Variants in RAPGEF6 observed in about 807,000 individuals in gnomAD.
The protein encoded by RAPGEF6 is Rap guanine nucleotide exchange factor 6, also known as PDZ domain containing guanine nucleotide exchange factor (GEF) 2.
In RAPGEF6, 56 loss-of-function variants were observed where a neutral mutation model predicts 171.4. The ratio of observed to expected loss-of-function variants is 0.33; its 90% CI spans 0.26 to 0.41. The LOEUF is 0.41. Ranked by LOEUF, RAPGEF6 falls within the 10% of genes least tolerant of loss-of-function variation. RAPGEF6 has a pLI of 1.00. For missense variants in RAPGEF6, 1,674 were observed against 1,921.4 expected (o/e 0.87, Z 2.41); for synonymous variants, 692 against 650.1 (o/e 1.06, Z -0.98).
At chr5:131,545,991 G>A (rs914401500) in intron 6 of RAPGEF6, among the ~76,000 whole-genome samples, 3 of 152,284 alleles carry the variant, frequency 2.0e-5, no homozygotes, top group Non-Finnish European at 4.4e-5. Context: ...CTGATCCCAG[G>A]AAATCAGTAT....
At position 131,497,879 on chromosome 5, in the gene RAPGEF6, C is replaced by T. The variant is rs149879197; in HGVS notation, c.1419+564G>A. On this transcript the variant is annotated intron_variant, in intron 12 of 27. Coordinates refer to ENST00000509018, the MANE Select transcript of RAPGEF6 (RefSeq NM_016340.6). ...TTCCATTAAATGTGCAAACATATCC[C>T]ATGAAATAAGCTAATTTATTTAAAA... 2.0e-5 allele frequency among the ~76,000 whole-genome samples: 3 copies of T among 152,182 alleles called. No homozygotes were observed. In the East Asian group the frequency reaches 5.8e-4, roughly 29 times the overall value.
intron 3 of RAPGEF6, 148 bp from the exon 4 acceptor site, chr5:131,592,614 C>T (rs1763659797): frequency 7.2e-7 from 1 of 1,387,816 alleles, no homozygotes; most frequent in Admixed American, 2.7e-5. Flanking sequence ...TTGCCTGTTG[C>T]CTAAGGTTTT....
At chr5:131,508,837 T>C (rs1757530003) in intron 8 of RAPGEF6, among the ~76,000 whole-genome samples, 1 of 152,198 alleles carries the variant, frequency 6.6e-6, no homozygotes, top group Non-Finnish European at 1.5e-5. Flanking sequence ...GACATAGGAA[T>C]TAGCTATATT....
At chr5:131,548,803 GA>G (rs1304358995) in intron 5 of RAPGEF6, among the ~76,000 whole-genome samples, 2 of 152,086 alleles carry the variant, frequency 1.3e-5, no homozygotes, top group Non-Finnish European at 2.9e-5. Flanking sequence ...TGTAGACAAA[GA>G]AAAACCCAAA....
chr5:131,622,747 G>A lies in RAPGEF6; in HGVS notation c.69+12215C>T, dbSNP rs534436234. Among the ~76,000 whole-genome samples the A allele has an allele frequency of 3.9e-5, 6 of 152,224 alleles. No homozygotes were observed. The East Asian group carries it at 9.7e-4, about 24-fold the overall frequency. ...CTATCCAACTGGATTTACAAATGAAGGTCAAGGGGCCCCAGAAGTATAAAT... is the reference window on the plus strand; with the variant it reads ...CTATCCAACTGGATTTACAAATGAAAGTCAAGGGGCCCCAGAAGTATAAAT... On this transcript the variant is annotated intron_variant, in intron 1 of 27. Coordinates refer to ENST00000509018, the MANE Select transcript of RAPGEF6 (RefSeq NM_016340.6).
chr5:131,634,955 G>A lies in RAPGEF6; in HGVS notation c.69+7C>T. 2 of 1,614,124 alleles carry A rather than the reference G, an allele frequency of 1.2e-6. No individual in the cohort carries two copies. Among genetic ancestry groups the A allele is most frequent in the Non-Finnish European group, 1.7e-6 (2 of 1,179,968 alleles). On this transcript the variant is annotated splice_region_variant and intron_variant, in intron 1 of 27. Coordinates refer to ENST00000509018, the MANE Select transcript of RAPGEF6 (RefSeq NM_016340.6). ...GTGAGACGCACATAAAGGTCAACCA[G>A]CCTCACCTCGGGAGTCCGCTCGGGT...
At chr5:131,457,246 T>C (rs1753576369) in intron 19 of RAPGEF6, among the ~76,000 whole-genome samples, 1 of 152,158 alleles carries the variant, frequency 6.6e-6, no homozygotes, top group South Asian at 2.1e-4. Flanking sequence ...AATTTTTATA[T>C]TTTTAGTACA....
At chr5:131,602,591 T>A (rs1764323557) in intron 3 of RAPGEF6, among the ~76,000 whole-genome samples, 1 of 152,092 alleles carries the variant, frequency 6.6e-6, no homozygotes, top group Non-Finnish European at 1.5e-5. Flanking sequence ...TAAAACCTCA[T>A]CTCTACTAAA....
chr5:131,536,091 C>A (rs542945997), intron 6 of RAPGEF6, among the ~76,000 whole-genome samples: 1 of 151,972 alleles, frequency 6.6e-6, no homozygotes, highest in East Asian at 1.9e-4. Flanking sequence ...AGTTAAAGAA[C>A]AAAAGAAAAA....
Position 131,446,481 on chromosome 5 carries a change from A to G in RAPGEF6, c.3421+2T>C. 6.2e-7 allele frequency: 1 copy of G among 1,612,184 alleles called. No individual in the cohort carries two copies. The highest frequency in any genetic ancestry group is 8.5e-7 in the Non-Finnish European group (1 of 1,178,814). On this transcript the variant is annotated splice_donor_variant, in intron 22 of 27. Coordinates refer to ENST00000509018, the MANE Select transcript of RAPGEF6 (RefSeq NM_016340.6). LOFTEE classifies it high-confidence loss of function. The stretch of plus-strand genomic sequence containing the variant: ...GTCACATAAATGAAAACTTGTACTC[A>G]CAGGTACCATATGCAGGCTCCCACT...
At chr5:131,529,473 C>CA (rs57223880) in intron 6 of RAPGEF6, among the ~76,000 whole-genome samples, 107,455 of 142,028 alleles carry the variant, frequency 0.76, 40,583 homozygotes, top group Middle Eastern at 0.8. Flanking sequence ...GAGACTCTGT[C>CA]AAAAAAAAAA....
At chr5:131,585,030 AATAAGC>A (rs1373748751) in intron 4 of RAPGEF6, among the ~76,000 whole-genome samples, 3 of 152,236 alleles carry the variant, frequency 2.0e-5, no homozygotes, top group Non-Finnish European at 4.4e-5. Flanking sequence ...AGCAATGGCC[AATAAGC>A]ATAAGGGCAT....
intron 4 of RAPGEF6, among the ~76,000 whole-genome samples, chr5:131,577,383 AG>A (rs1762669020): frequency 6.6e-6 from 1 of 152,214 alleles, no homozygotes; most frequent in Admixed American, 6.5e-5. Flanking sequence ...TGCCCTCCTT[AG>A]AATTAGAGCC....
intron 15 of RAPGEF6, among the ~76,000 whole-genome samples, chr5:131,485,578 T>G (rs1359237792): frequency 1.3e-5 from 2 of 152,192 alleles, no homozygotes; most frequent in Admixed American, 6.5e-5. Context: ...AGGTTTTAGG[T>G]TGCCTTGAGT....
At position 131,439,632 on chromosome 5, in the gene RAPGEF6, A is replaced by G. The variant is rs1384469133; in HGVS notation, c.3694T>C (p.Ser1232Pro). Residue 1232 changes from serine to proline, a missense_variant, in exon 24 of 28, where the codon TCA (serine) becomes CCA (proline). This residue lies in a region of RAPGEF6 where 552 missense variants were observed against 574.2 expected (regional missense o/e 0.96). Transcript: ENST00000509018. ...KHTEDTISVA[S>P]SLHSSPPASP... Reference sequence around the variant, plus strand: ...GCAGGAGGACTAGAATGTAAAGATGACGCCACAGAAATAGTGTCTTCTGTA... The same window carrying G: ...GCAGGAGGACTAGAATGTAAAGATGGCGCCACAGAAATAGTGTCTTCTGTA... 3.7e-6 allele frequency: 6 copies of G among 1,612,648 alleles called. No homozygotes were observed. In the Admixed American group the frequency reaches 5.0e-5, roughly 13 times the overall value.
At chr5:131,463,961 CT>C in intron 18 of RAPGEF6, 79 bp downstream of exon 18, 2 of 1,492,538 alleles carry the variant, frequency 1.3e-6, no homozygotes, top group African/African-American at 2.8e-5. Flanking sequence ...GATAATGTTT[CT>C]ACTTACAATA....
intron 1 of RAPGEF6, among the ~76,000 whole-genome samples, chr5:131,615,863 T>C (rs1343520104): frequency 1.3e-5 from 2 of 151,448 alleles, no homozygotes; most frequent in Admixed American, 6.6e-5. Context: ...ATCACACCAC[T>C]GTACTCCAGC....
rs1486330680 is a variant in RAPGEF6, at chr5:131,498,563, G to A, written c.1299C>T (p.Ser433=). ...RLIMHLIEEH[S]IVDPTYIEDF... ...CTTCTATATAAGTTGGATCCACGAT[G>A]GAATGTTCTTCTATTAAATGCATTA... The change falls in exon 12 of 28, where the codon TCC becomes TCT. Residue 433 remains serine, a synonymous_variant. Transcript: ENST00000509018. 2 of 1,613,670 alleles carry A rather than the reference G, an allele frequency of 1.2e-6. No homozygotes were observed. Among genetic ancestry groups the A allele is most frequent in the East Asian group, 2.2e-5 (1 of 44,862 alleles).
intron 8 of RAPGEF6, among the ~76,000 whole-genome samples, chr5:131,509,659 A>G (rs564543478): frequency 6.6e-6 from 1 of 152,222 alleles, no homozygotes; most frequent in African/African-American, 2.4e-5. Context: ...GACACTGAAC[A>G]TTGTACTATG....
Sources: gnomAD v4.1 joint callset for allele counts (sites outside exome capture counted in the v4.1 genomes callset) on GRCh38, gnomAD v4.1.1 for gene constraint, gnomAD v4.1.1 regional missense constraint, MANE v1.5 for transcripts, NCBI Gene and HGNC (gene_info 2026-07-23, HGNC 2026-07-21) for gene names.